NKAIN2: variants seen among roughly 807,000 people sequenced by gnomAD.
NKAIN2 encodes the protein sodium/potassium transporting ATPase interacting 2, also known as sodium/potassium-transporting ATPase subunit beta-1-interacting protein 2.
NKAIN2 carries 14 observed loss-of-function variants against 32.6 expected under a neutral mutation model. That is an observed-to-expected ratio of 0.43 (90% CI 0.28 to 0.67). The LOEUF (loss-of-function observed/expected upper bound fraction) is 0.67, where lower values mean the gene tolerates loss of function less well. NKAIN2 is among the 30% of genes least tolerant of loss of function. The probability of loss-of-function intolerance (pLI) is 0.17; values close to 1 mark genes in which losing one functional copy is unlikely to be tolerated. For missense variants in NKAIN2, 198 were observed against 258.3 expected, an observed-to-expected ratio of 0.77 and a Z score of 1.60; for synonymous variants, 80 against 87.2, an observed-to-expected ratio of 0.92 and a Z score of 0.46.
chr6:124,336,808 G>C (rs1342683381), intron 2 of NKAIN2, among the ~76,000 whole-genome samples: 1 of 151,542 alleles, frequency 6.6e-6, no homozygotes, highest in Non-Finnish European at 1.5e-5. Flanking sequence ...CAAGTAGCTG[G>C]GACTACAGGC....
intron 4 of NKAIN2, among the ~76,000 whole-genome samples, chr6:124,660,750 A>G (rs1784717926): frequency 6.6e-6 from 1 of 152,204 alleles, no homozygotes; most frequent in Non-Finnish European, 1.5e-5. Context: ...TACTTGGAGA[A>G]ATTTCAACAC....
At chr6:124,130,496 G>A (rs1418150974) in intron 1 of NKAIN2, among the ~76,000 whole-genome samples, 1 of 151,490 alleles carries the variant, frequency 6.6e-6, no homozygotes, top group East Asian at 1.9e-4. Context: ...TAAAATAATT[G>A]TAAATATGTA....
intron 1 of NKAIN2, among the ~76,000 whole-genome samples, chr6:124,181,467 A>G (rs802293): frequency 0.99 from 150,637 of 152,284 alleles, 74,512 homozygotes; most frequent in East Asian, 1. Context: ...CACATCATCA[A>G]GCTGCAAATT....
At chr6:124,174,501 CTTATTTCTTG>C (rs1025593401) in intron 1 of NKAIN2, among the ~76,000 whole-genome samples, 52 of 152,210 alleles carry the variant, frequency 3.4e-4, no homozygotes, top group African/African-American at 1.2e-3. Context: ...ACAATAAAAG[CTTATTTCTTG>C]TTAAATAGAT....
At chr6:124,414,021 G>T (rs866223138) in intron 3 of NKAIN2, among the ~76,000 whole-genome samples, 20 of 146,748 alleles carry the variant, frequency 1.4e-4, no homozygotes, top group East Asian at 1.0e-3. Flanking sequence ...TTGTTCGTTT[G>T]TTTTTTTTTT....
chr6:124,745,006 C>G (rs1777384882), intron 4 of NKAIN2, among the ~76,000 whole-genome samples: 1 of 151,848 alleles, frequency 6.6e-6, no homozygotes, highest in East Asian at 1.9e-4. Flanking sequence ...CCATAAAACG[C>G]CAGCCACTTT....
chr6:124,479,231 C>CT (rs1777351480), intron 3 of NKAIN2, among the ~76,000 whole-genome samples: 1 of 152,086 alleles, frequency 6.6e-6, no homozygotes, highest in African/African-American at 2.4e-5. Context: ...TAGGTAAAAA[C>CT]TAAGGAAATC....
chr6:124,694,737 G>T (rs1774416448), intron 4 of NKAIN2, among the ~76,000 whole-genome samples: 2 of 152,172 alleles, frequency 1.3e-5, no homozygotes, highest in South Asian at 4.1e-4. Context: ...GTAGCTGGAA[G>T]CCATAGTTTA....
At chr6:124,355,100 A>G (rs1265624985) in intron 2 of NKAIN2, among the ~76,000 whole-genome samples, 167 bp from the exon 3 acceptor site, 1 of 151,886 alleles carries the variant, frequency 6.6e-6, no homozygotes, top group African/African-American at 2.4e-5. Flanking sequence ...AGGAAAAAAA[A>G]ATCTCAACAG....
At chr6:124,741,430 A>G (rs551210038) in intron 4 of NKAIN2, among the ~76,000 whole-genome samples, 1 of 152,044 alleles carries the variant, frequency 6.6e-6, no homozygotes, top group East Asian at 1.9e-4. Context: ...TTTTATAGAA[A>G]CTACAACTCA....
At chr6:123,935,122 T>A (rs1472112310) in intron 1 of NKAIN2, among the ~76,000 whole-genome samples, 1 of 147,514 alleles carries the variant, frequency 6.8e-6, no homozygotes, top group Non-Finnish European at 1.5e-5. Flanking sequence ...GAAATAAATA[T>A]GTTAAATATA....
chr6:124,018,956 G>A (rs1156528759), intron 1 of NKAIN2, among the ~76,000 whole-genome samples: 2 of 152,140 alleles, frequency 1.3e-5, no homozygotes, highest in Non-Finnish European at 2.9e-5. Flanking sequence ...AAGGAAAGAG[G>A]TTTAATGGAT....
intron 2 of NKAIN2, among the ~76,000 whole-genome samples, chr6:124,288,210 C>T (rs1445382070): frequency 6.6e-6 from 1 of 152,148 alleles, no homozygotes; most frequent in Non-Finnish European, 1.5e-5. Flanking sequence ...TGTTCAAACT[C>T]ATATGGAAAG....
intron 3 of NKAIN2, among the ~76,000 whole-genome samples, chr6:124,421,641 A>C (rs1398283041): frequency 6.6e-6 from 1 of 152,188 alleles, no homozygotes; most frequent in East Asian, 1.9e-4. Context: ...AACTCACATG[A>C]GGGTTAATGA....
At position 124,727,248 on chromosome 6, in the gene NKAIN2, A is replaced by T. The variant is rs544496937; in HGVS notation, c.475-64091A>T. ...CTCGAGAAGAGCAACTCCAAGACAC[A>T]TAATTGTCAGATTCACCAAAGTTGA... is the stretch of plus-strand genomic sequence containing the variant. On this transcript the variant is annotated intron_variant, in intron 4 of 6. Coordinates refer to ENST00000368417, the MANE Select transcript of NKAIN2 (RefSeq NM_001040214.3). Among the ~76,000 whole-genome samples the T allele has an allele frequency of 2.4e-3, 370 of 151,992 alleles. 2 individuals carry two copies. The highest frequency in any genetic ancestry group is 8.3e-3 in the African/African-American group (344 of 41,440).
intron 1 of NKAIN2, among the ~76,000 whole-genome samples, chr6:124,101,591 T>C (rs1301146913): frequency 6.6e-6 from 1 of 152,174 alleles, no homozygotes; most frequent in Non-Finnish European, 1.5e-5. Context: ...TGTTTGTTTT[T>C]GCTGTTTTTT....
intron 1 of NKAIN2, among the ~76,000 whole-genome samples, chr6:123,915,702 G>A (rs936859536): frequency 2.6e-5 from 4 of 152,116 alleles, no homozygotes; most frequent in Admixed American, 1.3e-4. Context: ...AGATAAACAA[G>A]TTCTTCAGGG....
intron 1 of NKAIN2, among the ~76,000 whole-genome samples, chr6:123,818,091 C>T (rs1226605546): frequency 1.3e-5 from 2 of 152,038 alleles, no homozygotes; most frequent in African/African-American, 4.8e-5. Context: ...CTCCCAGATG[C>T]AATATTCTGT....
Position 124,755,773 on chromosome 6 carries a change from G to A in NKAIN2, c.475-35566G>A, listed in dbSNP as rs116659149. Among the ~76,000 whole-genome samples the A allele has an allele frequency of 5.1e-3, 772 of 152,186 alleles. 11 individuals are homozygous for A. The highest frequency in any genetic ancestry group is 0.018 in the African/African-American group (739 of 41,550). ...ATAACTAATGGGCACTAGGCCTAAT[G>A]ACACCTGGGTGATGAAATAATCTGT... On this transcript the variant is annotated intron_variant, in intron 4 of 6. Coordinates refer to ENST00000368417, the MANE Select transcript of NKAIN2 (RefSeq NM_001040214.3).
Sources: gnomAD v4.1 joint callset for allele counts (sites outside exome capture counted in the v4.1 genomes callset) on GRCh38, gnomAD v4.1.1 for gene constraint, MANE v1.5 for transcripts, NCBI Gene and HGNC (gene_info 2026-07-23, HGNC 2026-07-21) for gene names.